The following BCHE variants were observed in gnomAD, a reference collection of about 807,000 sequenced individuals.
BCHE encodes the protein butyrylcholinesterase.
A neutral mutation model predicts 51.3 loss-of-function variants in BCHE; 48 were observed. The observed-to-expected ratio is 0.94, with a 90% confidence interval of 0.74 to 1.19. The LOEUF is 1.19. Ranked by LOEUF, BCHE falls within the 50% of genes most tolerant of loss-of-function variation. The pLI is 0.00. For missense variants in BCHE, 847 were observed against 708.2 expected (o/e 1.20, Z -2.23); for synonymous variants, 251 against 238.0 (o/e 1.05, Z -0.50).
At chr3:165,826,708 ATGAACT>A (rs1714735489) in intron 2 of BCHE, among the ~76,000 whole-genome samples, 1 of 152,180 alleles carries the variant, frequency 6.6e-6, no homozygotes, top group Admixed American at 6.6e-5. Context: ...TTCATGAATC[ATGAACT>A]TGAAAACTCA....
intron 2 of BCHE, among the ~76,000 whole-genome samples, chr3:165,821,832 T>C (rs886887007): frequency 6.6e-6 from 1 of 151,900 alleles, no homozygotes; most frequent in Non-Finnish European, 1.5e-5. Context: ...GCATTTGGCT[T>C]AGCATGTAAT....
At chr3:165,825,387 G>T (rs1255864990) in intron 2 of BCHE, among the ~76,000 whole-genome samples, 1 of 150,578 alleles carries the variant, frequency 6.6e-6, no homozygotes, top group African/African-American at 2.4e-5. Context: ...AAAGCAAGAA[G>T]AAAACAGAAA....
intron 2 of BCHE, among the ~76,000 whole-genome samples, chr3:165,795,291 C>T (rs1713334367): frequency 1.3e-5 from 2 of 152,150 alleles, no homozygotes; most frequent in Admixed American, 6.5e-5. Context: ...ACGACTTTCT[C>T]TTAAGCCTGT....
chr3:165,819,324 C>G (rs553926119), intron 2 of BCHE, among the ~76,000 whole-genome samples: 5 of 151,892 alleles, frequency 3.3e-5, no homozygotes, highest in African/African-American at 1.2e-4. Context: ...ATGATCCTCC[C>G]GTTTCGGCCT....
intron 1 of BCHE, among the ~76,000 whole-genome samples, chr3:165,832,964 C>A (rs999828174): frequency 5.9e-5 from 9 of 151,970 alleles, no homozygotes; most frequent in African/African-American, 2.2e-4. Context: ...ATTTATTAAT[C>A]CATGGTCTGG....
Position 165,825,315 on chromosome 3 carries a change from TA to T in BCHE, c.1517+4201del, listed in dbSNP as rs540464956. ...AAATAATGAACCTCAATGCCTACATTAAAAGTTCACAGATATGAATGTAAAT... is the reference window on the plus strand; with the variant it reads ...AAATAATGAACCTCAATGCCTACATTAAAGTTCACAGATATGAATGTAAAT... On this transcript the variant is annotated intron_variant, in intron 2 of 3. Transcript: ENST00000264381. Among the ~76,000 whole-genome samples the T allele has an allele frequency of 5.9e-3, 837 of 141,640 alleles. 6 individuals are homozygous for T. The highest frequency in any genetic ancestry group is 0.021 in the African/African-American group (798 of 38,294). The allele number at this position is 141,640 out of a possible 152,430, so 92.9% of individuals were successfully genotyped here. A position where few individuals can be genotyped will look rare whatever the true frequency, so the allele number is the denominator to read the frequency against.
intron 2 of BCHE, among the ~76,000 whole-genome samples, chr3:165,806,687 A>C (rs1713879893): frequency 6.6e-6 from 1 of 152,164 alleles, no homozygotes; most frequent in Admixed American, 6.6e-5. Context: ...TAAAACCAAA[A>C]GGGATTAGAA....
intron 1 of BCHE, among the ~76,000 whole-genome samples, chr3:165,835,893 T>C (rs76592581): frequency 6.6e-6 from 1 of 152,002 alleles, no homozygotes; most frequent in African/African-American, 2.4e-5. Context: ...TACAATTCTC[T>C]TAACATCTGG....
chr3:165,786,704 C>T (rs780648916), intron 2 of BCHE, among the ~76,000 whole-genome samples: 4 of 151,800 alleles, frequency 2.6e-5, no homozygotes, highest in Non-Finnish European at 5.9e-5. Context: ...ATCACTTACT[C>T]ATCTTTTGCA....
intron 2 of BCHE, among the ~76,000 whole-genome samples, chr3:165,815,991 A>G (rs1323576905): frequency 6.6e-6 from 1 of 152,008 alleles, no homozygotes; most frequent in Non-Finnish European, 1.5e-5. Context: ...CCTTCTTAGA[A>G]AATTGTTGTT....
rs184254619 is a variant in BCHE at position 165,820,902 on chromosome 3, T to C, written c.1517+8615A>G. On this transcript the variant is annotated intron_variant, in intron 2 of 3. Coordinates refer to ENST00000264381, the MANE Select transcript of BCHE (RefSeq NM_000055.4). ...CATACTTAATGACTGCTTTTAAGAA[T>C]TCATGGTGAAGGCAGCCTGGCGAAT... 2.1e-3 allele frequency among the ~76,000 whole-genome samples: 314 copies of C among 152,162 alleles called. 2 individuals are homozygous for C. Among genetic ancestry groups the C allele is most frequent in the Admixed American group, 0.019 (287 of 15,258 alleles).
chr3:165,782,030 T>A (rs1712725211), intron 3 of BCHE, among the ~76,000 whole-genome samples: 1 of 152,078 alleles, frequency 6.6e-6, no homozygotes, highest in African/African-American at 2.4e-5. Context: ...AGGCTAGCAA[T>A]TTTAGTATAA....
chr3:165,830,098 A>AGTCC lies in BCHE; in HGVS notation c.932_935dup (p.Pro313AspfsTer14). 6.2e-7 allele frequency: 1 copy of AGTCC among 1,613,654 alleles called. No individual in the cohort carries two copies. The highest frequency in any genetic ancestry group is 1.1e-5 in the South Asian group (1 of 91,038). On this transcript the variant is annotated frameshift_variant, in exon 2 of 4. Coordinates refer to ENST00000264381, the MANE Select transcript of BCHE (RefSeq NM_000055.4). LOFTEE classifies it high-confidence loss of function. ...TCGGACCAAAGTTTACTGACAAAGGAGTCCCATAGGGGACAACAAATGCTT... is the reference window on the plus strand; with the variant it reads ...TCGGACCAAAGTTTACTGACAAAGGAGTCCGTCCCATAGGGGACAACAAATGCTT...
chr3:165,834,370 A>G (rs907269641), intron 1 of BCHE, among the ~76,000 whole-genome samples: 1 of 152,012 alleles, frequency 6.6e-6, no homozygotes, highest in Non-Finnish European at 1.5e-5. Context: ...ATTGGTAACA[A>G]TCAAAGCAAT....
chr3:165,779,056 G>A (rs1038036373), intron 3 of BCHE, among the ~76,000 whole-genome samples: 3 of 152,082 alleles, frequency 2.0e-5, no homozygotes, highest in Admixed American at 6.6e-5. Context: ...TAACAAAAAT[G>A]TTAAGTGGTG....
chr3:165,805,211 CAT>C (rs951812921), intron 2 of BCHE, among the ~76,000 whole-genome samples: 45 of 151,886 alleles, frequency 3.0e-4, no homozygotes, highest in Admixed American at 1.1e-3. Context: ...GACATATATA[CAT>C]ATATATGGCT....
intron 2 of BCHE, among the ~76,000 whole-genome samples, chr3:165,795,293 TA>T (rs1204631268): frequency 2.6e-5 from 4 of 152,186 alleles, no homozygotes; most frequent in Non-Finnish European, 5.9e-5. Flanking sequence ...GACTTTCTCT[TA>T]AGCCTGTTCA....
chr3:165,832,576 G>A (rs1048663244), intron 1 of BCHE, among the ~76,000 whole-genome samples: 10 of 152,128 alleles, frequency 6.6e-5, no homozygotes, highest in Non-Finnish European at 4.4e-5. Context: ...ACAGGCATGA[G>A]CCACCGCGCC....
intron 3 of BCHE, among the ~76,000 whole-genome samples, chr3:165,780,859 C>T (rs1476329752): frequency 1.3e-5 from 2 of 152,112 alleles, no homozygotes; most frequent in Non-Finnish European, 2.9e-5. Context: ...GTGGCAATGC[C>T]TCAAGGATCT....
Sources: gnomAD v4.1 joint callset for allele counts (sites outside exome capture counted in the v4.1 genomes callset) on GRCh38, gnomAD v4.1.1 for gene constraint, MANE v1.5 for transcripts, NCBI Gene and HGNC (gene_info 2026-07-23, HGNC 2026-07-21) for gene names.